Variants in VAT1L observed in about 807,000 individuals in gnomAD.
The protein encoded by VAT1L is putative NADPH-dependent quinone oxidoreductase VAT1L.
A neutral mutation model predicts 44.1 loss-of-function variants in VAT1L; 34 were observed. The ratio of observed to expected loss-of-function variants is 0.77; its 90% CI spans 0.59 to 1.03. The LOEUF (loss-of-function observed/expected upper bound fraction) is 1.03. Ranked by LOEUF, VAT1L falls within the 50% of genes least tolerant of loss-of-function variation. VAT1L has a pLI of 0.00. For synonymous variants in VAT1L, 253 were observed against 202.2 expected (o/e 1.25, Z -2.13); for missense variants, 615 against 538.8 (o/e 1.14, Z -1.40).
chr16:77,934,574 A>C (rs899716829), intron 7 of VAT1L, among the ~76,000 whole-genome samples: 3 of 152,168 alleles, frequency 2.0e-5, no homozygotes, highest in Non-Finnish European at 4.4e-5. Flanking sequence ...TAGAACTATA[A>C]CATAATAAAC....
rs778604675 is a variant in VAT1L at position 77,884,697 on chromosome 16, A to G, written c.972A>G (p.Lys324=). 6.2e-7 allele frequency: 1 copy of G among 1,612,476 alleles called. No individual in the cohort carries two copies. The stretch of plus-strand genomic sequence containing the variant: ...TTTCCCTTTTAAATCTGCTCTTCAA[A>G]CAAGGCCGGGCGGGCCTCATTCGGG... The part of the protein sequence containing the change: ...AGFSLLNLLF[K]QGRAGLIRGV... The change falls in exon 7 of 9, where the codon AAA becomes AAG. Residue 324 remains lysine (K), a synonymous_variant. Coordinates refer to ENST00000302536, the MANE Select transcript of VAT1L (RefSeq NM_020927.3). This position sits in a 1 kb window ranked among gnomAD's most constrained non-coding sequence, Gnocchi z 4.5.
intron 3 of VAT1L, among the ~76,000 whole-genome samples, chr16:77,841,083 A>T (rs2016699637): frequency 6.6e-6 from 1 of 152,120 alleles, no homozygotes; most frequent in African/African-American, 2.4e-5. Flanking sequence ...ATAACATGTC[A>T]TTTTTTTGTT....
Position 77,931,919 on chromosome 16 carries a change from T to C in VAT1L, c.1078-39931T>C, listed in dbSNP as rs138332664. On this transcript the variant is annotated intron_variant, in intron 7 of 8. Transcript: ENST00000302536. ...AAAACTTTGATGTACTGTGAAAACA[T>C]TGTATCTTTACTGCTATGTTTTGGG... Among the ~76,000 whole-genome samples the C allele has an allele frequency of 9.7e-3, 1,475 of 152,318 alleles. 6 individuals are homozygous for C. The highest frequency in any genetic ancestry group is 0.014 in the Non-Finnish European group (959 of 68,030).
chr16:77,912,520 C>T (rs888362673), intron 7 of VAT1L, among the ~76,000 whole-genome samples: 1 of 152,022 alleles, frequency 6.6e-6, no homozygotes, highest in Non-Finnish European at 1.5e-5. Context: ...CAGGCTCAAG[C>T]GGTCCTCCCT....
At chr16:77,931,892 G>C (rs1024536242) in intron 7 of VAT1L, among the ~76,000 whole-genome samples, 3 of 152,114 alleles carry the variant, frequency 2.0e-5, no homozygotes, top group Non-Finnish European at 4.4e-5. Flanking sequence ...ATTTTTTATA[G>C]GAAAACTTTG....
At chr16:77,924,323 T>C (rs918048072) in intron 7 of VAT1L, among the ~76,000 whole-genome samples, 1 of 152,112 alleles carries the variant, frequency 6.6e-6, no homozygotes, top group Non-Finnish European at 1.5e-5. Flanking sequence ...CTTCACTGGG[T>C]CCCATAAGAT....
At chr16:77,888,341 C>G (rs1468514267) in intron 7 of VAT1L, among the ~76,000 whole-genome samples, 1 of 152,180 alleles carries the variant, frequency 6.6e-6, no homozygotes. Context: ...CTATATTATT[C>G]CAGACCCCAG....
intron 7 of VAT1L, among the ~76,000 whole-genome samples, chr16:77,964,590 T>C (rs1246231979): frequency 2.0e-5 from 3 of 152,082 alleles, no homozygotes; most frequent in Non-Finnish European, 2.9e-5. Flanking sequence ...TAATCACTTC[T>C]ACAAAGTCCC....
intron 7 of VAT1L, among the ~76,000 whole-genome samples, chr16:77,922,136 A>G (rs1286640954): frequency 6.6e-6 from 1 of 151,988 alleles, no homozygotes; most frequent in Non-Finnish European, 1.5e-5. Flanking sequence ...GGAATATTTT[A>G]TTTCATAAAT....
chr16:77,916,799 C>CT (rs34522921), intron 7 of VAT1L, among the ~76,000 whole-genome samples: 2,645 of 139,866 alleles, frequency 0.019, 45 homozygotes, highest in African/African-American at 0.035. Flanking sequence ...GCGCTTTGCT[C>CT]TTTTTTTTTT....
intron 8 of VAT1L, 115 bp downstream of exon 8, chr16:77,972,048 G>T: frequency 1.2e-6 from 1 of 861,874 alleles, no homozygotes; most frequent in Non-Finnish European, 1.8e-6. Flanking sequence ...GGCTAGTGGA[G>T]GAGACCAGGG....
chr16:77,879,259 G>A lies in VAT1L; in HGVS notation c.882+35G>A. ...CAGGCACATCTGATGTACTGTGGTGGCATGTTGATTCACATGTTGAGAGCT... is the reference window on the plus strand; with the variant it reads ...CAGGCACATCTGATGTACTGTGGTGACATGTTGATTCACATGTTGAGAGCT... On this transcript the variant is annotated intron_variant, in intron 6 of 8. Coordinates refer to ENST00000302536, the MANE Select transcript of VAT1L (RefSeq NM_020927.3). This position sits in a 1 kb window ranked among gnomAD's most constrained non-coding sequence, Gnocchi z 4.1. 6.2e-7 allele frequency: 1 copy of A among 1,602,322 alleles called. No homozygotes were observed.
At chr16:77,819,169 C>T (rs1383193425) in intron 2 of VAT1L, among the ~76,000 whole-genome samples, 1 of 152,048 alleles carries the variant, frequency 6.6e-6, no homozygotes, top group Non-Finnish European at 1.5e-5. Flanking sequence ...CTGGGAGCAG[C>T]CAGCCCTGTA....
chr16:77,900,928 C>T (rs1427170118), intron 7 of VAT1L, among the ~76,000 whole-genome samples: 1 of 151,912 alleles, frequency 6.6e-6, no homozygotes, highest in African/African-American at 2.4e-5. Context: ...CTTTTCTAAG[C>T]AGAGACACAG....
At chr16:77,977,321 T>C (rs553879069) in intron 8 of VAT1L, among the ~76,000 whole-genome samples, 1 of 152,292 alleles carries the variant, frequency 6.6e-6, no homozygotes, top group South Asian at 2.1e-4. Context: ...TACCCTGCAT[T>C]GGATTCTTCC....
chr16:77,941,820 C>G (rs1208867546), intron 7 of VAT1L, among the ~76,000 whole-genome samples: 1 of 152,084 alleles, frequency 6.6e-6, no homozygotes, highest in African/African-American at 2.4e-5. Flanking sequence ...AACTCCTGAC[C>G]TCAGGTGATC....
intron 7 of VAT1L, among the ~76,000 whole-genome samples, chr16:77,938,801 T>C (rs1021326497): frequency 6.6e-6 from 1 of 152,156 alleles, no homozygotes; most frequent in East Asian, 1.9e-4. Context: ...AACAGACTAA[T>C]ACAGCAAAAA....
intron 7 of VAT1L, chr16:77,892,289 C>T (rs1230022231): frequency 3.8e-6 from 1 of 264,774 alleles, no homozygotes; most frequent in Non-Finnish European, 7.3e-6. Flanking sequence ...GAAAGTCCAA[C>T]TTCACTATGG....
At chr16:77,839,153 G>A (rs1299966621) in intron 3 of VAT1L, among the ~76,000 whole-genome samples, 3 of 152,120 alleles carry the variant, frequency 2.0e-5, no homozygotes, top group Non-Finnish European at 4.4e-5. Context: ...CTGTGCTCAG[G>A]GACTAAACTG....
Sources: gnomAD v4.1 joint callset for allele counts (sites outside exome capture counted in the v4.1 genomes callset) on GRCh38, gnomAD v4.1.1 for gene constraint, Gnocchi (gnomAD v3.1) non-coding constraint, MANE v1.5 for transcripts, NCBI Gene and HGNC (gene_info 2026-07-23, HGNC 2026-07-21) for gene names.